Variants in RTN4R observed in about 807,000 individuals in gnomAD.
The protein encoded by RTN4R is reticulon 4 receptor, also known as reticulon-4 receptor.
A neutral mutation model predicts 27.7 loss-of-function variants in RTN4R; 4 were observed. The ratio of observed to expected loss-of-function variants is 0.14; its 90% CI spans 0.07 to 0.33. The LOEUF is 0.33. Ranked by LOEUF, RTN4R falls within the 10% of genes least tolerant of loss-of-function variation. The probability of loss-of-function intolerance (pLI) is 1.00; values close to 1 mark genes in which losing one functional copy is unlikely to be tolerated. For missense variants in RTN4R, 554 were observed against 671.5 expected (o/e 0.83, Z 1.93); for synonymous variants, 290 against 305.6 (o/e 0.95, Z 0.53).
intron 1 of RTN4R, among the ~76,000 whole-genome samples, chr22:20,264,405 T>C (rs914150198): frequency 6.6e-6 from 1 of 152,120 alleles, no homozygotes; most frequent in African/African-American, 2.4e-5. Context: ...GCAGGGAGAT[T>C]TGTGGGGTGG....
chr22:20,251,927 T>TTACCATCACTATCATCAC (rs1569038367), intron 1 of RTN4R, among the ~76,000 whole-genome samples: 8 of 246 alleles, frequency 0.033, 4 homozygotes, highest in Non-Finnish European at 0.071. Context: ...ATCACCATCA[T>TTACCATCACTATCATCAC]CATCCCCAGG....
In RTN4R at chr22:20,241,685, G is replaced by A. The variant is rs2051106604; in HGVS notation, c.*26C>T. ...CCGTATGTACACACACCTGGCTGCT[G>A]AGCACGCTCTTGTGTCCGCTGGGGG... On this transcript the variant is annotated 3_prime_UTR_variant, in exon 2 of 2. Transcript: ENST00000043402. 6.5e-6 allele frequency: 10 copies of A among 1,548,248 alleles called. No individual in the cohort carries two copies. In the South Asian group the frequency reaches 1.1e-4, roughly 17 times the overall value.
At chr22:20,260,874 G>A (rs573607435) in intron 1 of RTN4R, among the ~76,000 whole-genome samples, 1 of 152,254 alleles carries the variant, frequency 6.6e-6, no homozygotes, top group East Asian at 1.9e-4. Context: ...CTGCGCCGTA[G>A]GCTCCTCACT....
chr22:20,264,794 T>C (rs1336817619), intron 1 of RTN4R, among the ~76,000 whole-genome samples: 4 of 152,112 alleles, frequency 2.6e-5, no homozygotes, highest in Non-Finnish European at 5.9e-5. Context: ...AGGCCCTGGG[T>C]GGCTGCAGAG....
At position 20,242,121 on chromosome 22, in the gene RTN4R, G is replaced by A. The variant is rs2051110871; in HGVS notation, c.1012C>T (p.Pro338Ser). 6.2e-7 allele frequency: 1 copy of A among 1,612,176 alleles called. No homozygotes were observed. Among genetic ancestry groups the A allele is most frequent in the Non-Finnish European group, 8.5e-7 (1 of 1,179,498 alleles). The change falls in exon 2 of 2, where the codon CCA (proline) becomes TCA (serine). Residue 338 changes from proline (P) to serine (S), a missense_variant. Pro to Ser is a moderately conservative substitution (Grantham distance 74, BLOSUM62 -1). Coordinates refer to ENST00000043402, the MANE Select transcript of RTN4R (RefSeq NM_023004.6). ...ACTGAGGCCTTGTCAGCGGCATCTG[G>A]CTGGCAGCACTTGGGAAGCCCCAGC... ...EPLGLPKCCQ[P>S]DAADKASVLE...
At chr22:20,252,896 C>T (rs551364324) in intron 1 of RTN4R, among the ~76,000 whole-genome samples, 1 of 152,180 alleles carries the variant, frequency 6.6e-6, no homozygotes, top group Non-Finnish European at 1.5e-5. Context: ...AATGAGAGGC[C>T]AGCACCTACC....
At chr22:20,261,845 G>A (rs2051249328) in intron 1 of RTN4R, among the ~76,000 whole-genome samples, 1 of 152,256 alleles carries the variant, frequency 6.6e-6, no homozygotes, top group Admixed American at 6.5e-5. Flanking sequence ...AGGGACGGGG[G>A]CTTCCCTGGT....
At chr22:20,260,187 C>G (rs2051236809) in intron 1 of RTN4R, among the ~76,000 whole-genome samples, 1 of 152,092 alleles carries the variant, frequency 6.6e-6, no homozygotes, top group Non-Finnish European at 1.5e-5. Flanking sequence ...TCACGTGGCC[C>G]TAGGGGGCTC....
chr22:20,241,510 G>C lies in RTN4R; in HGVS notation c.*201C>G. 1.7e-6 allele frequency: 1 copy of C among 604,762 alleles called. No individual in the cohort carries two copies. Among genetic ancestry groups the C allele is most frequent in the Admixed American group, 2.9e-5 (1 of 34,042 alleles). 37.5% of individuals were successfully genotyped at this position (604,762 alleles called of 1,614,324 possible). A position where few individuals can be genotyped will look rare whatever the true frequency, so the allele number is the denominator to read the frequency against. On this transcript the variant is annotated 3_prime_UTR_variant, in exon 2 of 2. Coordinates refer to ENST00000043402, the MANE Select transcript of RTN4R (RefSeq NM_023004.6). Reference sequence around the variant, plus strand: ...TATACCGCGATCTGGGTGGGAGGCGGCGTTCTGGAACAAACGCTGCCGCCG... The same window carrying C: ...TATACCGCGATCTGGGTGGGAGGCGCCGTTCTGGAACAAACGCTGCCGCCG...
intron 1 of RTN4R, among the ~76,000 whole-genome samples, chr22:20,264,194 C>T (rs1240670479): frequency 6.6e-6 from 1 of 152,248 alleles, no homozygotes; most frequent in Non-Finnish European, 1.5e-5. Flanking sequence ...TCCACGGCTG[C>T]AGGCAGTGCA....
chr22:20,249,831 T>C (rs1159100917), intron 1 of RTN4R, among the ~76,000 whole-genome samples: 1 of 152,230 alleles, frequency 6.6e-6, no homozygotes, highest in African/African-American at 2.4e-5. Context: ...GCAGAATTTA[T>C]TCTGCTGTGA....
rs147008571 is a variant in RTN4R at position 20,243,477 on chromosome 22, C to A, written c.23-367G>T. 485 of 532,666 alleles carry A rather than the reference C, an allele frequency of 9.1e-4. 5 individuals are homozygous for A. The East Asian group carries it at 0.022, about 24-fold the overall frequency. 33.0% of individuals were successfully genotyped at this position (532,666 alleles called of 1,614,324 possible). On this transcript the variant is annotated intron_variant, in intron 1 of 1. Coordinates refer to ENST00000043402, the MANE Select transcript of RTN4R (RefSeq NM_023004.6). ...AGGACTCCAGTGAACACAGAGCCCGCATTGCAGGAGTCCCCGGGGGGTCCC... is the reference window on the plus strand; with the variant it reads ...AGGACTCCAGTGAACACAGAGCCCGAATTGCAGGAGTCCCCGGGGGGTCCC...
At chr22:20,267,797 C>A in intron 1 of RTN4R, 3 of 384,686 alleles carry the variant, frequency 7.8e-6, no homozygotes, top group South Asian at 6.5e-5. Context: ...GGCCCAGCAT[C>A]GGGGACCCTC....
At chr22:20,267,957 A>C in intron 1 of RTN4R, 114 bp downstream of exon 1, 1 of 553,604 alleles carries the variant, frequency 1.8e-6, no homozygotes. Flanking sequence ...CCGCCCGGCT[A>C]CGCTTCCCTC....
chr22:20,258,406 A>G (rs1298254249), intron 1 of RTN4R, among the ~76,000 whole-genome samples: 3 of 152,104 alleles, frequency 2.0e-5, no homozygotes, highest in Admixed American at 2.0e-4. Flanking sequence ...GTCCATCCTC[A>G]GACCCAATGG....
chr22:20,252,227 G>A (rs2051188588), intron 1 of RTN4R, among the ~76,000 whole-genome samples: 2 of 140,772 alleles, frequency 1.4e-5, no homozygotes, highest in Non-Finnish European at 3.1e-5. Flanking sequence ...AAGGCCCTTA[G>A]ATAAAGGGCA....
At chr22:20,254,089 G>C (rs1169583453) in intron 1 of RTN4R, among the ~76,000 whole-genome samples, 3 of 152,052 alleles carry the variant, frequency 2.0e-5, no homozygotes, top group African/African-American at 7.2e-5. Flanking sequence ...AGGCCCCCAG[G>C]GGTCAAGGGA....
chr22:20,245,195 G>T (rs1019435517), intron 1 of RTN4R, among the ~76,000 whole-genome samples: 1 of 152,176 alleles, frequency 6.6e-6, no homozygotes, highest in African/African-American at 2.4e-5. Flanking sequence ...GCCACGTGGC[G>T]CTCAGTTCTG....
rs2051208144 is a variant in RTN4R at position 20,255,699 on chromosome 22, G to A, written c.22+12372C>T. On this transcript the variant is annotated intron_variant, in intron 1 of 1. Coordinates refer to ENST00000043402, the MANE Select transcript of RTN4R (RefSeq NM_023004.6). This position sits in a 1 kb window ranked among gnomAD's most constrained non-coding sequence, Gnocchi z 4.8. ...CCACCCCTGGATTCCCCTTACCCCT[G>A]CCCGCTCCTGTCCCCTCCTTGTCAC... 6.7e-6 allele frequency among the ~76,000 whole-genome samples: 1 copy of A among 148,462 alleles called. No homozygotes were observed. The highest frequency in any genetic ancestry group is 1.5e-5 in the Non-Finnish European group (1 of 67,246).
Sources: gnomAD v4.1 joint callset for allele counts (sites outside exome capture counted in the v4.1 genomes callset) on GRCh38, gnomAD v4.1.1 for gene constraint, Gnocchi (gnomAD v3.1) non-coding constraint, MANE v1.5 for transcripts, NCBI Gene and HGNC (gene_info 2026-07-23, HGNC 2026-07-21) for gene names.